Variants in LNPEP observed in about 807,000 individuals in gnomAD.
LNPEP encodes leucyl-cystinyl aminopeptidase.
In LNPEP, 64 loss-of-function variants were observed where a neutral mutation model predicts 120.6. The observed-to-expected ratio is 0.53, with a 90% confidence interval of 0.43 to 0.65. The LOEUF (loss-of-function observed/expected upper bound fraction) is 0.65. Ranked by LOEUF, LNPEP falls within the 30% of genes least tolerant of loss-of-function variation. The pLI, the probability that LNPEP is intolerant of heterozygous loss-of-function variation, is 0.00. For synonymous variants in LNPEP, 435 were observed against 425.4 expected (o/e 1.02, Z -0.28); for missense variants, 1,057 against 1,200.0 (o/e 0.88, Z 1.76).
In LNPEP at chr5:97,035,697, A is replaced by G. The variant is rs1379406841; in HGVS notation, c.*7164A>G. ...TCTTCCGCCATTATTTTCCTTTAACACTTAGTCCCTTGCAAGGGGTCTGAC... is the reference window on the plus strand; with the variant it reads ...TCTTCCGCCATTATTTTCCTTTAACGCTTAGTCCCTTGCAAGGGGTCTGAC... On this transcript the variant is annotated 3_prime_UTR_variant, in exon 18 of 18. Transcript: ENST00000231368. The G allele has an allele frequency of 6.6e-6, 1 of 152,110 alleles. No homozygotes were observed. Among genetic ancestry groups the G allele is most frequent in the Non-Finnish European group, 1.5e-5 (1 of 68,002 alleles). The allele number at this position is 152,110 out of a possible 1,614,324, so 9.4% of individuals were successfully genotyped here.
At chr5:97,019,085 A>G (rs1173201207) in intron 13 of LNPEP, among the ~76,000 whole-genome samples, 1 of 152,234 alleles carries the variant, frequency 6.6e-6, no homozygotes, top group African/African-American at 2.4e-5. Context: ...AAATTAAAGC[A>G]GTAAATCAAA....
chr5:96,991,769 C>G (rs994065418), intron 4 of LNPEP, among the ~76,000 whole-genome samples: 1 of 152,168 alleles, frequency 6.6e-6, no homozygotes, highest in South Asian at 2.1e-4. Flanking sequence ...TCTGTTCACT[C>G]TGCTGATTGT....
intron 16 of LNPEP, 22 bp downstream of exon 16, chr5:97,026,779 T>G (rs967096760): frequency 1.3e-6 from 2 of 1,596,738 alleles, no homozygotes; most frequent in Non-Finnish European, 1.7e-6. Flanking sequence ...AGAGAATTAT[T>G]AACTTTTAGT....
At chr5:96,982,048 T>C (rs1790139850) in intron 2 of LNPEP, among the ~76,000 whole-genome samples, 3 of 152,156 alleles carry the variant, frequency 2.0e-5, no homozygotes, top group African/African-American at 7.2e-5. Context: ...ACGTGTTTAG[T>C]CTTTTATTCT....
At position 97,030,524 on chromosome 5, in the gene LNPEP, G is replaced by A. The variant is rs945831279; in HGVS notation, c.*1991G>A. The A allele has an allele frequency of 6.6e-6, 1 of 151,746 alleles. No individual in the cohort carries two copies. Among genetic ancestry groups the A allele is most frequent in the African/African-American group, 2.4e-5 (1 of 41,284 alleles). 9.4% of individuals were successfully genotyped at this position (151,746 alleles called of 1,614,324 possible). On this transcript the variant is annotated 3_prime_UTR_variant, in exon 18 of 18. Coordinates refer to ENST00000231368, the MANE Select transcript of LNPEP (RefSeq NM_005575.3). The stretch of plus-strand genomic sequence containing the variant: ...CTTAAGATTCTTCAGTTTTACCTGT[G>A]CTTCTTGACATCGCTCCTATAATGT...
chr5:97,028,399 C>G lies in LNPEP; in HGVS notation c.2947-3C>G. On this transcript the variant is annotated splice_polypyrimidine_tract_variant and splice_region_variant and intron_variant, in intron 17 of 17. Coordinates refer to ENST00000231368, the MANE Select transcript of LNPEP (RefSeq NM_005575.3). The stretch of plus-strand genomic sequence containing the variant: ...TTGAAATTCTTCTGTGTGAAACTTA[C>G]AGGTTCAGGCATTCTTTGAAAATCA... 1 of 1,613,304 alleles carries G rather than the reference C, an allele frequency of 6.2e-7. No homozygotes were observed. The highest frequency in any genetic ancestry group is 2.2e-5 in the East Asian group (1 of 44,866).
chr5:97,006,477 C>A lies in LNPEP; in HGVS notation c.1997C>A (p.Ser666Ter). ...LSYVTEGRNY[S>*]KYQSVSLLDK... ...TATGTCACTGAAGGAAGAAATTATT[C>A]AAAATATCAATCGGTATCATTACTG... Residue 666 changes from serine (S) to a stop codon, truncating the protein, a stop_gained, in exon 11 of 18, where the codon TCA becomes TAA. Coordinates refer to ENST00000231368, the MANE Select transcript of LNPEP (RefSeq NM_005575.3). LOFTEE classifies it high-confidence loss of function. 1 of 1,577,968 alleles carries A rather than the reference C, an allele frequency of 6.3e-7. No individual in the cohort carries two copies. Among genetic ancestry groups the A allele is most frequent in the South Asian group, 1.1e-5 (1 of 90,244 alleles).
intron 16 of LNPEP, 24 bp from the exon 17 acceptor site, chr5:97,027,709 G>A: frequency 6.8e-7 from 1 of 1,460,356 alleles, no homozygotes; most frequent in Non-Finnish European, 9.6e-7. Flanking sequence ...TAATCTTTTT[G>A]CTCTTGTTTT....
intron 1 of LNPEP, among the ~76,000 whole-genome samples, chr5:96,945,339 A>T (rs7726445): frequency 0.4 from 60,281 of 150,214 alleles, 12,173 homozygotes; most frequent in Non-Finnish European, 0.43. Context: ...GAGCCTGGGC[A>T]AAGTGGAAGT....
chr5:96,954,768 A>ATTTTTTTTTTTTTTTT lies in LNPEP; in HGVS notation c.19+18595_19+18596insTTTTTTTTTTTTTTTT, dbSNP rs1581981619. Among the ~76,000 whole-genome samples the ATTTTTTTTTTTTTTTT allele has an allele frequency of 5.5e-5, 2 of 36,096 alleles. 1 individual carries two copies. Among genetic ancestry groups the ATTTTTTTTTTTTTTTT allele is most frequent in the Non-Finnish European group, 1.2e-4 (2 of 16,526 alleles). The allele number at this position is 36,096 out of a possible 152,430, so 23.7% of individuals were successfully genotyped here. On this transcript the variant is annotated intron_variant, in intron 1 of 17. Coordinates refer to ENST00000231368, the MANE Select transcript of LNPEP (RefSeq NM_005575.3). ...TATACACATATATATATATATATAT[A>ATTTTTTTTTTTTTTTT]TATATTTTTTTTTTTTTTTTTTTTT...
Position 97,036,201 on chromosome 5 carries a change from A to G in LNPEP, c.*7668A>G, listed in dbSNP as rs1054140505. ...GGAATGACCCTTTCGAGTTATTGAC[A>G]TGGCTCTGATGAATAGAACATGAGC... is the stretch of plus-strand genomic sequence containing the variant. On this transcript the variant is annotated 3_prime_UTR_variant, in exon 18 of 18. Coordinates refer to ENST00000231368, the MANE Select transcript of LNPEP (RefSeq NM_005575.3). 2.0e-5 allele frequency: 3 copies of G among 152,146 alleles called. No homozygotes were observed. The highest frequency in any genetic ancestry group is 2.9e-5 in the Non-Finnish European group (2 of 68,014). The allele number at this position is 152,146 out of a possible 1,614,324, so 9.4% of individuals were successfully genotyped here.
rs1464366043 is a variant in LNPEP at position 97,022,453 on chromosome 5, G to A, written c.2530G>A (p.Asp844Asn). 6.2e-7 allele frequency: 1 copy of A among 1,614,002 alleles called. No individual in the cohort carries two copies. The highest frequency in any genetic ancestry group is 1.7e-5 in the Admixed American group (1 of 60,016). Residue 844 changes from aspartate (D) to asparagine (N), a missense_variant, in exon 14 of 18, where the codon GAT (aspartate) becomes AAT (asparagine). Asp to Asn is a conservative substitution (Grantham distance 23, BLOSUM62 1). Coordinates refer to ENST00000231368, the MANE Select transcript of LNPEP (RefSeq NM_005575.3). ...NCSTTAMKLF[D>N]DWMASNGTQS... ...CTCTACTACTGCCATGAAACTGTTT[G>A]ATGACTGGATGGCATCCAATGGAAC... is the stretch of plus-strand genomic sequence containing the variant.
intron 2 of LNPEP, among the ~76,000 whole-genome samples, chr5:96,984,504 G>T (rs1465890173): frequency 2.0e-5 from 3 of 152,150 alleles, no homozygotes. Context: ...GGCCTGGGGA[G>T]TTTCTTCAGA....
At position 96,998,021 on chromosome 5, in the gene LNPEP, A is replaced by T. The variant is rs961080152; in HGVS notation, c.1529A>T (p.Asp510Val). The change falls in exon 8 of 18, where the codon GAT becomes GTT. Residue 510 changes from aspartate (D) to valine (V), a missense_variant. By Grantham distance (152) the Asp-to-Val change is radical (BLOSUM62 -3). Coordinates refer to ENST00000231368, the MANE Select transcript of LNPEP (RefSeq NM_005575.3). The stretch of plus-strand genomic sequence containing the variant: ...CTTTTCATTTTTTGACAGTATGAAG[A>T]TTTCTTAGATGCTCGATTTAAAACC... ...KIFKELSSYE[D>V]FLDARFKTMK... The T allele has an allele frequency of 1.3e-6, 2 of 1,563,960 alleles. No individual in the cohort carries two copies. The highest frequency in any genetic ancestry group is 1.7e-6 in the Non-Finnish European group (2 of 1,146,968).
At chr5:96,983,538 C>T (rs1790173948) in intron 2 of LNPEP, among the ~76,000 whole-genome samples, 1 of 152,084 alleles carries the variant, frequency 6.6e-6, no homozygotes, top group South Asian at 2.1e-4. Flanking sequence ...CTCTGCCTCC[C>T]AGGTGCAAGC....
rs746905930 is a variant in LNPEP, at chr5:96,979,565, A to C, written c.447A>C (p.Gly149=). 1.9e-5 allele frequency: 30 copies of C among 1,613,938 alleles called. No individual in the cohort carries two copies. Among genetic ancestry groups the C allele is most frequent in the Non-Finnish European group, 2.5e-6 (3 of 1,179,966 alleles). The change falls in exon 2 of 18, where the codon GGA becomes GGC. Residue 149 remains glycine (G), a synonymous_variant. Coordinates refer to ENST00000231368, the MANE Select transcript of LNPEP (RefSeq NM_005575.3). The stretch of plus-strand genomic sequence containing the variant: ...GCCATAAAAAAAACCAGTCAATTGG[A>C]CTAATTCAGCCATTTGCAACAAATG... ...EGCHKKNQSI[G]LIQPFATNGK...
chr5:97,002,420 G>T (rs996557666), intron 8 of LNPEP, among the ~76,000 whole-genome samples: 2 of 152,178 alleles, frequency 1.3e-5, no homozygotes, highest in Admixed American at 6.5e-5. Context: ...GGAAAAGTTG[G>T]TGATGCAGAA....
chr5:96,955,637 A>G (rs1190305172), intron 1 of LNPEP, among the ~76,000 whole-genome samples: 1 of 152,210 alleles, frequency 6.6e-6, no homozygotes, highest in Non-Finnish European at 1.5e-5. Context: ...AAAAGAAAAA[A>G]ATTGGTGAAT....
At chr5:96,982,749 A>G (rs551900811) in intron 2 of LNPEP, among the ~76,000 whole-genome samples, 24 of 152,204 alleles carry the variant, frequency 1.6e-4, no homozygotes, top group Non-Finnish European at 3.2e-4. Context: ...ACCCAATTCG[A>G]TAGCAACAGT....
Sources: allele counts gnomAD v4.1 joint callset (sites outside exome capture counted in the v4.1 genomes callset), GRCh38; gene constraint gnomAD v4.1.1; transcripts MANE v1.5; gene names NCBI Gene and HGNC (gene_info 2026-07-23, HGNC 2026-07-21).